Variants in SATL1 observed in about 807,000 individuals in gnomAD.
SATL1 encodes the protein spermidine/spermine N(1)-acetyltransferase-like protein 1.
Under a neutral mutation model 51.8 loss-of-function variants are expected in SATL1, and 47 were observed. The ratio of observed to expected loss-of-function variants is 0.91; its 90% CI spans 0.72 to 1.16. The LOEUF is 1.16. Ranked by LOEUF, SATL1 falls within the 50% of genes most tolerant of loss-of-function variation. The probability of loss-of-function intolerance (pLI) is 0.00; values close to 1 mark genes in which losing one functional copy is unlikely to be tolerated. For synonymous variants in SATL1, 176 were observed against 182.4 expected, an observed-to-expected ratio of 0.97 and a Z score of 0.28; for missense variants, 520 against 526.4, an observed-to-expected ratio of 0.99 and a Z score of 0.12.
Position 85,194,811 on chromosome X carries a change from G to T in SATL1, c.-313+29394C>A, listed in dbSNP as rs770870210. 1.1e-4 allele frequency among the ~76,000 whole-genome samples: 11 copies of T among 104,337 alleles called. No homozygotes were observed. The South Asian group carries it at 5.4e-3, about 51-fold the overall frequency. 90.6% of individuals were successfully genotyped at this position (104,337 alleles called of 115,157 possible). A position where few individuals can be genotyped will look rare whatever the true frequency, so the allele number is the denominator to read the frequency against. The stretch of plus-strand genomic sequence containing the variant: ...CACTTCATATTCTCACTCATAAGTG[G>T]GAGTTGAACAATGAGAACACATGGA... On this transcript the variant is annotated intron_variant, in intron 2 of 7. Coordinates refer to ENST00000644105, the MANE Select transcript of SATL1 (RefSeq NM_001367857.2).
At chrX:85,224,395 T>A (rs1928235921) in intron 1 of SATL1, 69 bp from the exon 2 acceptor site, 1 of 111,332 alleles carries the variant, frequency 9.0e-6, no homozygotes, top group African/African-American at 3.3e-5. Context: ...TGTTTACAGA[T>A]CCCAGGAATT....
At chrX:85,181,865 T>C (rs772236561) in intron 2 of SATL1, among the ~76,000 whole-genome samples, 1 of 111,825 alleles carries the variant, frequency 8.9e-6, no homozygotes, top group Non-Finnish European at 1.9e-5. Context: ...AAATTCTTTT[T>C]AGCATGAAGC....
chrX:85,148,998 C>G (rs1290908139), intron 2 of SATL1, among the ~76,000 whole-genome samples: 2 of 111,133 alleles, frequency 1.8e-5, no homozygotes, highest in Non-Finnish European at 3.8e-5. Context: ...ACTAAATGCT[C>G]CAATGAAAAG....
At chrX:85,214,686 A>G (rs756448734) in intron 2 of SATL1, among the ~76,000 whole-genome samples, 1 of 111,999 alleles carries the variant, frequency 8.9e-6, no homozygotes, top group South Asian at 3.7e-4. Flanking sequence ...AAAACAAGTT[A>G]TTTAACTCCA....
chrX:85,123,871 C>T (rs1040665796), intron 2 of SATL1, among the ~76,000 whole-genome samples: 1 of 111,492 alleles, frequency 9.0e-6, no homozygotes, highest in South Asian at 3.7e-4. Flanking sequence ...TTTTCAGAAA[C>T]AATAAAAGCA....
chrX:85,156,615 A>C (rs956729570), intron 2 of SATL1, among the ~76,000 whole-genome samples: 12 of 108,547 alleles, frequency 1.1e-4, no homozygotes, highest in Admixed American at 3.0e-4. Flanking sequence ...AGTAGAGTAC[A>C]GGCCAGGCCT....
At chrX:85,121,840 G>A (rs772547238) in intron 2 of SATL1, among the ~76,000 whole-genome samples, 2 of 109,158 alleles carry the variant, frequency 1.8e-5, no homozygotes, top group East Asian at 5.8e-4. Flanking sequence ...TAATATACTT[G>A]AAAATTGCTA....
At chrX:85,197,196 T>C (rs1456815874) in intron 2 of SATL1, among the ~76,000 whole-genome samples, 1 of 111,281 alleles carries the variant, frequency 9.0e-6, no homozygotes, top group Non-Finnish European at 1.9e-5. Flanking sequence ...CGAATAGACA[T>C]TTCTCTCATT....
intron 2 of SATL1, among the ~76,000 whole-genome samples, chrX:85,154,088 A>G (rs1181744300): frequency 1.8e-5 from 2 of 111,807 alleles, no homozygotes; most frequent in Non-Finnish European, 1.9e-5. Context: ...ACACTGCCAC[A>G]CCAGACATAT....
chrX:85,103,788 A>T lies in SATL1; in HGVS notation c.1693+76T>A. Reference sequence around the variant, plus strand: ...AATGGTGTCATCTTTATGTACCAAGAACAATAGCTTCCACATATCTAAGTA... The same window carrying T: ...AATGGTGTCATCTTTATGTACCAAGTACAATAGCTTCCACATATCTAAGTA... On this transcript the variant is annotated intron_variant, in intron 4 of 7. Coordinates refer to ENST00000644105, the MANE Select transcript of SATL1 (RefSeq NM_001367857.2). The T allele has an allele frequency of 5.6e-6, 4 of 719,331 alleles. No homozygotes were observed. In the South Asian group the frequency reaches 9.1e-5, roughly 16 times the overall value. The allele number at this position is 719,331 out of a possible 1,213,427, so 59.3% of individuals were successfully genotyped here.
At chrX:85,223,190 G>A (rs1198035490) in intron 2 of SATL1, among the ~76,000 whole-genome samples, 1 of 111,511 alleles carries the variant, frequency 9.0e-6, no homozygotes, top group Non-Finnish European at 1.9e-5. Flanking sequence ...TCCAAAGTTT[G>A]TGCTTTTATA....
At chrX:85,104,600 A>T (rs1336101395) in intron 3 of SATL1, among the ~76,000 whole-genome samples, 2 of 110,285 alleles carry the variant, frequency 1.8e-5, no homozygotes, top group Admixed American at 9.8e-5. Context: ...CATATACTAC[A>T]TCCTCATTTA....
chrX:85,132,387 A>G (rs773545709), intron 2 of SATL1, among the ~76,000 whole-genome samples: 6 of 109,247 alleles, frequency 5.5e-5, no homozygotes, highest in African/African-American at 2.0e-4. Flanking sequence ...TTATCGCTTC[A>G]TTTCATTAAT....
chrX:85,205,969 C>T (rs1051055587), intron 2 of SATL1, among the ~76,000 whole-genome samples: 4 of 111,308 alleles, frequency 3.6e-5, no homozygotes, highest in African/African-American at 1.3e-4. Flanking sequence ...TGGCTGAACA[C>T]GGGGCATGAA....
chrX:85,192,098 T>A (rs1486241478), intron 2 of SATL1, among the ~76,000 whole-genome samples: 2 of 111,456 alleles, frequency 1.8e-5, no homozygotes, highest in Non-Finnish European at 3.8e-5. Context: ...ATTGTCTCCA[T>A]CTCTATGGCT....
At chrX:85,104,438 T>C (rs1924982326) in intron 3 of SATL1, among the ~76,000 whole-genome samples, 1 of 107,400 alleles carries the variant, frequency 9.3e-6, no homozygotes, top group Non-Finnish European at 1.9e-5. Flanking sequence ...TCACTCGTTT[T>C]CTTTTTAAGA....
chrX:85,096,255 G>T (rs1038275585), intron 4 of SATL1, among the ~76,000 whole-genome samples: 1 of 110,037 alleles, frequency 9.1e-6, no homozygotes, highest in African/African-American at 3.3e-5. Flanking sequence ...TTCAATAACT[G>T]AAATGAAAAA....
chrX:85,120,215 G>T (rs1227568273), intron 2 of SATL1, among the ~76,000 whole-genome samples: 2 of 110,996 alleles, frequency 1.8e-5, no homozygotes, highest in African/African-American at 6.5e-5. Context: ...CTACAGCTGT[G>T]ACCCCAGAGA....
intron 2 of SATL1, among the ~76,000 whole-genome samples, chrX:85,197,723 C>T (rs1362761277): frequency 4.8e-5 from 5 of 104,553 alleles, no homozygotes; most frequent in Admixed American, 3.2e-4. Flanking sequence ...GTTCAATTCC[C>T]ACCTATGAGT....
Sources: allele counts gnomAD v4.1 joint callset (sites outside exome capture counted in the v4.1 genomes callset), GRCh38; gene constraint gnomAD v4.1.1; transcripts MANE v1.5; gene names NCBI Gene and HGNC (gene_info 2026-07-23, HGNC 2026-07-21).